PTPRD: variants seen among roughly 807,000 people sequenced by gnomAD.
PTPRD encodes protein tyrosine phosphatase receptor type D, also known as receptor-type tyrosine-protein phosphatase delta.
In PTPRD, 34 loss-of-function variants were observed where a neutral mutation model predicts 214.5. The ratio of observed to expected loss-of-function variants is 0.16; its 90% CI spans 0.12 to 0.21. The LOEUF is 0.21. Among genes scored for constraint, PTPRD ranks in the 10% least tolerant of loss-of-function variants. PTPRD has a pLI of 1.00. For missense variants in PTPRD, 2,545 were observed against 2,398.7 expected (o/e 1.06, Z -1.27); for synonymous variants, 1,128 against 845.7 (o/e 1.33, Z -5.79).
chr9:8,416,422 A>C (rs1232899627), intron 35 of PTPRD, among the ~76,000 whole-genome samples: 1 of 152,188 alleles, frequency 6.6e-6, no homozygotes, highest in Non-Finnish European at 1.5e-5. Flanking sequence ...CATGTTCTTT[A>C]ATTTTTCCAT....
intron 8 of PTPRD, among the ~76,000 whole-genome samples, chr9:9,510,075 C>T (rs2096663590): frequency 6.6e-6 from 1 of 151,602 alleles, no homozygotes; most frequent in African/African-American, 2.4e-5. Flanking sequence ...ATGTCTGTTT[C>T]CCACAGGATC....
intron 14 of PTPRD, among the ~76,000 whole-genome samples, chr9:8,563,430 T>C (rs932951450): frequency 2.0e-5 from 3 of 150,552 alleles, no homozygotes; most frequent in African/African-American, 7.4e-5. Flanking sequence ...AAAGTTTTGA[T>C]GTAGACTTTT....
At chr9:10,500,653 T>C (rs1377385809) in intron 2 of PTPRD, among the ~76,000 whole-genome samples, 2 of 151,798 alleles carry the variant, frequency 1.3e-5, no homozygotes, top group Non-Finnish European at 3.0e-5. Flanking sequence ...TCATCCTTTC[T>C]AGTTTTTGTA....
intron 39 of PTPRD, among the ~76,000 whole-genome samples, chr9:8,367,953 G>C (rs1317416607): frequency 6.6e-6 from 1 of 152,164 alleles, no homozygotes; most frequent in Non-Finnish European, 1.5e-5. Context: ...TAGAAAGATT[G>C]TTTAATGTGC....
chr9:10,596,991 C>T (rs1383629348), intron 2 of PTPRD, among the ~76,000 whole-genome samples: 1 of 151,422 alleles, frequency 6.6e-6, no homozygotes, highest in Non-Finnish European at 1.5e-5. Context: ...CTACTTCCAA[C>T]AGCCTAAAAA....
chr9:10,515,185 CACTGGCAAGTATA>C (rs1231402001), intron 2 of PTPRD, among the ~76,000 whole-genome samples: 1 of 152,016 alleles, frequency 6.6e-6, no homozygotes, highest in Non-Finnish European at 1.5e-5. Flanking sequence ...GCACCAAACA[CACTGGCAAGTATA>C]ACTTCAACAG....
At chr9:9,784,610 A>G (rs2098902425) in intron 5 of PTPRD, among the ~76,000 whole-genome samples, 2 of 151,988 alleles carry the variant, frequency 1.3e-5, no homozygotes, top group South Asian at 4.1e-4. Flanking sequence ...GATTTTTTAA[A>G]TTAGCAGATC....
intron 5 of PTPRD, among the ~76,000 whole-genome samples, chr9:9,936,771 C>A (rs1285798899): frequency 2.1e-5 from 3 of 140,350 alleles, no homozygotes; most frequent in Admixed American, 7.5e-5. Context: ...AAGACACATG[C>A]ACCCGTATGT....
chr9:8,767,754 T>C (rs527560720), intron 11 of PTPRD, among the ~76,000 whole-genome samples: 1 of 152,314 alleles, frequency 6.6e-6, no homozygotes, highest in South Asian at 2.1e-4. Flanking sequence ...AGTCAGAATC[T>C]TTCAAGGGGA....
At chr9:10,385,749 G>A (rs894236616) in intron 2 of PTPRD, among the ~76,000 whole-genome samples, 6 of 151,686 alleles carry the variant, frequency 4.0e-5, no homozygotes, top group Admixed American at 1.3e-4. Flanking sequence ...TTCCAGCTTA[G>A]TGCCTGACAC....
At chr9:9,982,444 T>C (rs559409708) in intron 4 of PTPRD, among the ~76,000 whole-genome samples, 3 of 128,566 alleles carry the variant, frequency 2.3e-5, no homozygotes, top group Non-Finnish European at 4.8e-5. Flanking sequence ...TGTGGGTACA[T>C]AGATACATAT....
intron 5 of PTPRD, among the ~76,000 whole-genome samples, chr9:9,887,808 ACT>A (rs1196572792): frequency 3.3e-5 from 5 of 152,006 alleles, no homozygotes; most frequent in African/African-American, 1.2e-4. Context: ...TTTTTAAAAT[ACT>A]CTTTCGTACA....
chr9:8,957,149 C>T (rs1238547620), intron 11 of PTPRD, among the ~76,000 whole-genome samples: 1 of 151,878 alleles, frequency 6.6e-6, no homozygotes, highest in Non-Finnish European at 1.5e-5. Flanking sequence ...TCTTGACTCT[C>T]TCCTGGCTAG....
chr9:10,164,980 C>A (rs1055195808), intron 3 of PTPRD, among the ~76,000 whole-genome samples: 39 of 151,242 alleles, frequency 2.6e-4, no homozygotes, highest in African/African-American at 8.7e-4. Context: ...ATCCAAAAGT[C>A]ATTAAGGATA....
chr9:9,371,808 T>C (rs112122247), intron 9 of PTPRD, among the ~76,000 whole-genome samples: 1 of 152,170 alleles, frequency 6.6e-6, no homozygotes, highest in South Asian at 2.1e-4. Context: ...TTCTGGTATG[T>C]TGTGTCTTTG....
At chr9:9,899,780 C>G (rs185737822) in intron 5 of PTPRD, among the ~76,000 whole-genome samples, 6 of 151,664 alleles carry the variant, frequency 4.0e-5, no homozygotes, top group African/African-American at 7.3e-5. Context: ...TTTACAATAA[C>G]AAAGATATAG....
intron 2 of PTPRD, among the ~76,000 whole-genome samples, chr9:10,530,391 C>G (rs2055865285): frequency 6.6e-6 from 1 of 152,100 alleles, no homozygotes; most frequent in Non-Finnish European, 1.5e-5. Flanking sequence ...GTTTAAACCC[C>G]ATGCAAATGG....
At chr9:10,203,610 A>G (rs1037106233) in intron 3 of PTPRD, among the ~76,000 whole-genome samples, 2 of 152,192 alleles carry the variant, frequency 1.3e-5, no homozygotes, top group Non-Finnish European at 2.9e-5. Context: ...GATAAGCTCT[A>G]TGGATCCAGG....
At chr9:8,552,325 G>C (rs1340658563) in intron 14 of PTPRD, among the ~76,000 whole-genome samples, 1 of 152,218 alleles carries the variant, frequency 6.6e-6, no homozygotes, top group African/African-American at 2.4e-5. Flanking sequence ...AAAAGGGAAA[G>C]TATTAGCAGG....
Sources: gnomAD v4.1 joint callset for allele counts (sites outside exome capture counted in the v4.1 genomes callset) on GRCh38, gnomAD v4.1.1 for gene constraint, MANE v1.5 for transcripts, NCBI Gene and HGNC (gene_info 2026-07-23, HGNC 2026-07-21) for gene names.